The following ACSL4 variants were observed in gnomAD, a reference collection of about 807,000 sequenced individuals.
ACSL4 encodes acyl-CoA synthetase long chain family member 4.
In ACSL4, 9 loss-of-function variants were observed where a neutral mutation model predicts 49.1. That is an observed-to-expected ratio of 0.18 (90% confidence interval 0.11 to 0.32). The LOEUF is 0.32. ACSL4 is among the 10% of genes least tolerant of loss of function. The pLI is 1.00. For synonymous variants in ACSL4, 191 were observed against 170.3 expected, an observed-to-expected ratio of 1.12 and a Z score of -0.95; for missense variants, 333 against 493.7, an observed-to-expected ratio of 0.67 and a Z score of 3.08.
Position 109,683,161 on chromosome X carries a change from T to C in ACSL4, c.203A>G (p.Gln68Arg). ...REILSEENEM[Q>R]PNGKVFKKLI... ...CTTCTTAAAAACTTTTCCATTTGGC[T>C]GCATTTCATTTTCTTCACTTAGGAT... Residue 68 changes from glutamine to arginine, a missense_variant, in exon 3 of 16, where the codon CAG (glutamine) becomes CGG (arginine). This residue lies in a region of ACSL4 where 157 missense variants were observed against 201.1 expected (regional missense o/e 0.78). Transcript: ENST00000672401. 1 of 1,211,504 alleles carries C rather than the reference T, an allele frequency of 8.3e-7. No individual in the cohort carries two copies. Among genetic ancestry groups the C allele is most frequent in the Non-Finnish European group, 1.1e-6 (1 of 895,240 alleles).
At chrX:109,666,994 G>A (rs1197374974) in intron 11 of ACSL4, among the ~76,000 whole-genome samples, 2 of 111,807 alleles carry the variant, frequency 1.8e-5, no homozygotes, top group African/African-American at 3.2e-5. Context: ...AGGGAAAGGA[G>A]AAACCTAATG....
chrX:109,647,215 T>A (rs1045613025), intron 15 of ACSL4, among the ~76,000 whole-genome samples: 11 of 111,463 alleles, frequency 9.9e-5, no homozygotes, highest in African/African-American at 3.6e-4. Flanking sequence ...ATCAACAGAA[T>A]ATACATTTTT....
chrX:109,641,979 T>G lies in ACSL4; in HGVS notation c.*2050A>C, dbSNP rs745309859. The G allele has an allele frequency of 1.8e-5, 2 of 112,281 alleles. No individual in the cohort carries two copies. The highest frequency in any genetic ancestry group is 6.5e-5 in the African/African-American group (2 of 30,892). The allele number at this position is 112,281 out of a possible 1,213,427, so 9.3% of individuals were successfully genotyped here. A position where few individuals can be genotyped will look rare whatever the true frequency, so the allele number is the denominator to read the frequency against. Reference sequence around the variant, plus strand: ...TTTGTTTACATAAACATGTATATTTTTAGATGGAAAATCAAGGGGTAGTGG... The same window carrying G: ...TTTGTTTACATAAACATGTATATTTGTAGATGGAAAATCAAGGGGTAGTGG... On this transcript the variant is annotated 3_prime_UTR_variant, in exon 16 of 16. Coordinates refer to ENST00000672401, the MANE Select transcript of ACSL4 (RefSeq NM_001318510.2).
Position 109,718,626 on chromosome X carries a change from G to A in ACSL4, c.-66+14513C>T, listed in dbSNP as rs184420037. Among the ~76,000 whole-genome samples, 4 of 110,897 alleles carry A rather than the reference G, an allele frequency of 3.6e-5. No individual in the cohort carries two copies. In the East Asian group the frequency reaches 1.1e-3, roughly 32 times the overall value. ...AAAAATTAACTGGGCATGGTGGCATGAGCTTGTGGTCCCAGTACTTAGGAT... is the reference window on the plus strand; with the variant it reads ...AAAAATTAACTGGGCATGGTGGCATAAGCTTGTGGTCCCAGTACTTAGGAT... On this transcript the variant is annotated intron_variant, in intron 1 of 15. Transcript: ENST00000672401.
intron 15 of ACSL4, among the ~76,000 whole-genome samples, chrX:109,657,812 G>A (rs936691534): frequency 2.2e-4 from 25 of 111,512 alleles, no homozygotes; most frequent in African/African-American, 7.5e-4. Flanking sequence ...CACAATGGTC[G>A]AACTAGTTTA....
chrX:109,671,436 C>T (rs1489057524), intron 9 of ACSL4, among the ~76,000 whole-genome samples: 2 of 110,071 alleles, frequency 1.8e-5, no homozygotes, highest in African/African-American at 6.6e-5. Flanking sequence ...CCTGGCCAGC[C>T]ACCCCATCCG....
intron 1 of ACSL4, among the ~76,000 whole-genome samples, chrX:109,725,689 G>A (rs995455467): frequency 2.7e-5 from 3 of 110,527 alleles, no homozygotes; most frequent in African/African-American, 9.9e-5. Context: ...ACAGTGAGCC[G>A]AGATCACGCC....
intron 4 of ACSL4, among the ~76,000 whole-genome samples, chrX:109,681,598 G>A (rs993019468): frequency 1.8e-5 from 2 of 111,628 alleles, no homozygotes; most frequent in Non-Finnish European, 3.8e-5. Context: ...TCCTAAACCT[G>A]AAGAAACCCA....
At chrX:109,695,311 C>T (rs1304976058) in intron 2 of ACSL4, among the ~76,000 whole-genome samples, 1 of 107,751 alleles carries the variant, frequency 9.3e-6, no homozygotes, top group Non-Finnish European at 1.9e-5. Flanking sequence ...CACCACTGCA[C>T]TCCAGTCTGG....
At chrX:109,646,346 A>C (rs969068787) in intron 15 of ACSL4, among the ~76,000 whole-genome samples, 5 of 111,985 alleles carry the variant, frequency 4.5e-5, no homozygotes, top group African/African-American at 1.6e-4. Context: ...TACAAGCCAG[A>C]AGAGAGTGGG....
chrX:109,681,862 A>C (rs1482008109), intron 4 of ACSL4, among the ~76,000 whole-genome samples: 1 of 111,857 alleles, frequency 8.9e-6, no homozygotes, highest in Non-Finnish European at 1.9e-5. Flanking sequence ...CCAATGTCCA[A>C]TGTGATTGGT....
intron 2 of ACSL4, among the ~76,000 whole-genome samples, chrX:109,695,083 A>G (rs965029953): frequency 8.1e-5 from 9 of 111,564 alleles, no homozygotes; most frequent in Non-Finnish European, 1.7e-4. Context: ...ATGGTGGCTC[A>G]TGCCTGTAAT....
chrX:109,671,488 G>A (rs758394195), intron 9 of ACSL4, among the ~76,000 whole-genome samples: 5 of 108,138 alleles, frequency 4.6e-5, no homozygotes, highest in Middle Eastern at 5.1e-3. Flanking sequence ...CACCCCGTCC[G>A]GGAGGTGGCA....
intron 1 of ACSL4, among the ~76,000 whole-genome samples, chrX:109,708,910 C>G (rs1350688629): frequency 5.4e-5 from 6 of 111,829 alleles, no homozygotes; most frequent in Admixed American, 3.8e-4. Context: ...AAGAGATACT[C>G]AACCTGTAAT....
At chrX:109,671,652 AAAAG>A (rs1923253844) in intron 9 of ACSL4, among the ~76,000 whole-genome samples, 1 of 112,642 alleles carries the variant, frequency 8.9e-6, no homozygotes, top group East Asian at 2.8e-4. Flanking sequence ...AAATGTGGGG[AAAAG>A]AAAGAGAGAT....
chrX:109,692,153 C>T (rs1017040509), intron 2 of ACSL4: 1 of 111,567 alleles, frequency 9.0e-6, no homozygotes, highest in Non-Finnish European at 1.9e-5. Context: ...AGAGTGAATT[C>T]CCTCCCATCA....
intron 1 of ACSL4, among the ~76,000 whole-genome samples, chrX:109,715,930 T>C (rs1307484894): frequency 1.8e-5 from 2 of 112,161 alleles, no homozygotes; most frequent in Non-Finnish European, 3.8e-5. Context: ...GGGAAACAAA[T>C]GGTTAATTCT....
intron 8 of ACSL4, among the ~76,000 whole-genome samples, chrX:109,677,514 C>G (rs186172390): frequency 7.3e-4 from 81 of 110,937 alleles, no homozygotes; most frequent in Non-Finnish European, 4.3e-4. Flanking sequence ...CACAGTGGCT[C>G]ACATCTGTAA....
intron 15 of ACSL4, among the ~76,000 whole-genome samples, chrX:109,652,535 A>G (rs1441746583): frequency 1.8e-5 from 2 of 111,786 alleles, no homozygotes; most frequent in Non-Finnish European, 3.8e-5. Context: ...ATATATTCAG[A>G]GGATGAATAA....
Sources: gnomAD v4.1 joint callset for allele counts (sites outside exome capture counted in the v4.1 genomes callset) on GRCh38, gnomAD v4.1.1 for gene constraint, gnomAD v4.1.1 regional missense constraint, MANE v1.5 for transcripts, NCBI Gene and HGNC (gene_info 2026-07-23, HGNC 2026-07-21) for gene names.